SGSM1: variants seen among roughly 807,000 people sequenced by gnomAD.
The protein encoded by SGSM1 is RUN and TBC1 domain containing 2.
In SGSM1, 73 loss-of-function variants were observed where a neutral mutation model predicts 133.8. That is an observed-to-expected ratio of 0.55 (90% CI 0.45 to 0.66). SGSM1 has a LOEUF of 0.66. Among genes scored for constraint, SGSM1 ranks in the 30% least tolerant of loss-of-function variants. The probability of loss-of-function intolerance (pLI) is 0.00; values close to 1 mark genes in which losing one functional copy is unlikely to be tolerated. For missense variants in SGSM1, 1,213 were observed against 1,448.1 expected (o/e 0.84, Z 2.64); for synonymous variants, 563 against 573.0 (o/e 0.98, Z 0.25).
intron 5 of SGSM1, among the ~76,000 whole-genome samples, chr22:24,851,209 C>T (rs1237079174): frequency 6.6e-6 from 1 of 152,002 alleles, no homozygotes; most frequent in East Asian, 1.9e-4. Context: ...TGTGAGCCCT[C>T]TTGGGTAACC....
chr22:24,869,842 G>C (rs889547395), intron 12 of SGSM1, among the ~76,000 whole-genome samples: 1 of 152,218 alleles, frequency 6.6e-6, no homozygotes, highest in African/African-American at 2.4e-5. Context: ...ACTAGTAAGC[G>C]CATCACCATT....
chr22:24,909,304 C>T (rs1335675213), intron 21 of SGSM1, among the ~76,000 whole-genome samples: 1 of 152,102 alleles, frequency 6.6e-6, no homozygotes, highest in Non-Finnish European at 1.5e-5. Context: ...AAATCAAAAC[C>T]ACAGTGAGAT....
intron 2 of SGSM1, among the ~76,000 whole-genome samples, chr22:24,813,033 A>G (rs1927841395): frequency 6.6e-6 from 1 of 152,204 alleles, no homozygotes; most frequent in South Asian, 2.1e-4. Context: ...GGCTTGCCAG[A>G]GGAGGTGGTC....
chr22:24,894,427 C>T (rs916558298), intron 17 of SGSM1, among the ~76,000 whole-genome samples: 1 of 152,198 alleles, frequency 6.6e-6, no homozygotes. Flanking sequence ...GTGATGATAT[C>T]AGTCATCAAT....
At chr22:24,845,925 T>C (rs551391302) in intron 3 of SGSM1, among the ~76,000 whole-genome samples, 2 of 146,938 alleles carry the variant, frequency 1.4e-5, no homozygotes, top group East Asian at 4.3e-4. Flanking sequence ...TTGGGCAAGA[T>C]CTTTCTTTTC....
chr22:24,889,925 A>G (rs796537624), intron 16 of SGSM1, among the ~76,000 whole-genome samples: 6 of 146,938 alleles, frequency 4.1e-5, no homozygotes, highest in African/African-American at 1.3e-4. Flanking sequence ...TGCTGGGATT[A>G]TAGGCGTGAG....
Position 24,847,678 on chromosome 22 carries a change from G to T in SGSM1, c.184G>T (p.Ala62Ser), listed in dbSNP as rs1930226147. 1 of 1,613,800 alleles carries T rather than the reference G, an allele frequency of 6.2e-7. No individual in the cohort carries two copies. The highest frequency in any genetic ancestry group is 8.5e-7 in the Non-Finnish European group (1 of 1,179,852). ...CVLHGLRRRA[A>S]GFLRSNKIAA... Reference sequence around the variant, plus strand: ...TCTGCACGGGCTTCGGCGGCGGGCGGCTGGCTTCCTACGCAGCAATAAGAT... The same window carrying T: ...TCTGCACGGGCTTCGGCGGCGGGCGTCTGGCTTCCTACGCAGCAATAAGAT... The change falls in exon 4 of 25, where the codon GCT becomes TCT. Residue 62 changes from alanine (A) to serine (S), a missense_variant. Physicochemically the swap from Ala to Ser is moderately conservative, Grantham distance 99. Transcript: ENST00000400358.
chr22:24,856,658 T>C (rs1279642414), intron 8 of SGSM1, among the ~76,000 whole-genome samples: 3 of 152,206 alleles, frequency 2.0e-5, no homozygotes, highest in South Asian at 4.1e-4. Flanking sequence ...CTGACTGACT[T>C]TGAGCCAGTC....
chr22:24,828,424 G>T (rs1363801573), intron 2 of SGSM1, among the ~76,000 whole-genome samples: 1 of 152,020 alleles, frequency 6.6e-6, no homozygotes, highest in African/African-American at 2.4e-5. Context: ...CAAGAGAAAA[G>T]AAAACCTCAT....
intron 14 of SGSM1, among the ~76,000 whole-genome samples, chr22:24,883,148 C>T (rs187398559): frequency 6.6e-6 from 1 of 152,150 alleles, no homozygotes; most frequent in African/African-American, 2.4e-5. Context: ...TCGTGATCCG[C>T]CCGCCTCAGT....
Position 24,870,174 on chromosome 22 carries a change from C to T in SGSM1, c.1291+1319C>T, listed in dbSNP as rs548912564. On this transcript the variant is annotated intron_variant, in intron 12 of 24. Coordinates refer to ENST00000400358, the MANE Select transcript of SGSM1 (RefSeq NM_001098497.3). ...TGTTCATGACCATGTCTGTTCCTGC[C>T]CTGGATCAGGGCCTCCCAGCCACTC... Among the ~76,000 whole-genome samples the T allele has an allele frequency of 7.9e-5, 12 of 152,296 alleles. No individual in the cohort carries two copies. In the East Asian group the frequency reaches 2.3e-3, roughly 29 times the overall value.
At chr22:24,833,342 C>T (rs1929229337) in intron 2 of SGSM1, among the ~76,000 whole-genome samples, 1 of 152,072 alleles carries the variant, frequency 6.6e-6, no homozygotes. Context: ...AAAGACAGCA[C>T]ATTCTGAGAT....
intron 2 of SGSM1, among the ~76,000 whole-genome samples, chr22:24,837,587 C>CTG (rs746893469): frequency 1.1e-4 from 5 of 47,302 alleles, no homozygotes; most frequent in Admixed American, 7.9e-4. Flanking sequence ...GACCCCCCCC[C>CTG]CCCCTTTCCC....
chr22:24,828,872 C>T (rs2147806706), intron 2 of SGSM1, among the ~76,000 whole-genome samples: 1 of 152,258 alleles, frequency 6.6e-6, no homozygotes, highest in South Asian at 2.1e-4. Context: ...GGTACGTATG[C>T]ACCATAGAAT....
At chr22:24,823,787 A>G (rs967341045) in intron 2 of SGSM1, among the ~76,000 whole-genome samples, 1 of 148,760 alleles carries the variant, frequency 6.7e-6, no homozygotes, top group Admixed American at 6.7e-5. Flanking sequence ...GTGCGTACCT[A>G]TAGTCCCAGC....
chr22:24,812,210 C>T (rs960450882), intron 2 of SGSM1, among the ~76,000 whole-genome samples: 3 of 151,836 alleles, frequency 2.0e-5, no homozygotes, highest in African/African-American at 4.8e-5. Context: ...TTAGGCATTC[C>T]TAATTTCCTA....
intron 16 of SGSM1, 37 bp from the exon 17 acceptor site, chr22:24,893,394 G>A (rs752539703): frequency 1.2e-6 from 2 of 1,607,738 alleles, no homozygotes; most frequent in South Asian, 1.1e-5. Context: ...GCGCCCCTTT[G>A]TTGACACCTC....
chr22:24,878,064 G>A (rs113319718), intron 13 of SGSM1, among the ~76,000 whole-genome samples: 4,595 of 152,046 alleles, frequency 0.03, 227 homozygotes, highest in African/African-American at 0.11. Context: ...GCCCACCTTG[G>A]CCTCCCAAAG....
chr22:24,845,729 CA>C (rs1272607126), intron 3 of SGSM1, among the ~76,000 whole-genome samples: 1 of 152,192 alleles, frequency 6.6e-6, no homozygotes, highest in Non-Finnish European at 1.5e-5. Flanking sequence ...GGCACCACCC[CA>C]CGGGGCCCAC....
Sources: allele counts gnomAD v4.1 joint callset (sites outside exome capture counted in the v4.1 genomes callset), GRCh38; gene constraint gnomAD v4.1.1; transcripts MANE v1.5; gene names NCBI Gene and HGNC (gene_info 2026-07-23, HGNC 2026-07-21).